TSPAN9: variants seen among roughly 807,000 people sequenced by gnomAD.
TSPAN9 encodes the protein tetraspanin-9.
In TSPAN9, 16 loss-of-function variants were observed where a neutral mutation model predicts 31.0. The observed-to-expected ratio is 0.52, with a 90% CI of 0.35 to 0.78. The LOEUF (loss-of-function observed/expected upper bound fraction) is 0.78. Ranked by LOEUF, TSPAN9 falls within the 30% of genes least tolerant of loss-of-function variation. The probability of loss-of-function intolerance (pLI) is 0.01; values close to 1 mark genes in which losing one functional copy is unlikely to be tolerated. For synonymous variants in TSPAN9, 145 were observed against 121.6 expected (o/e 1.19, Z -1.27); for missense variants, 272 against 312.5 (o/e 0.87, Z 0.98).
intron 3 of TSPAN9, among the ~76,000 whole-genome samples, chr12:3,240,302 T>C (rs1370472033): frequency 6.6e-6 from 1 of 151,932 alleles, no homozygotes; most frequent in Non-Finnish European, 1.5e-5. Context: ...GAGAGTTGTG[T>C]GGACGAGGTG....
At chr12:3,244,951 A>G (rs529046190) in intron 3 of TSPAN9, among the ~76,000 whole-genome samples, 2 of 151,768 alleles carry the variant, frequency 1.3e-5, no homozygotes, top group Admixed American at 6.6e-5. Flanking sequence ...CCTTCTGCCA[A>G]CCTCTCTCTC....
intron 8 of TSPAN9, chr12:3,282,196 C>T (rs1309917139): frequency 8.5e-6 from 5 of 588,778 alleles, no homozygotes; most frequent in East Asian, 2.8e-5. Context: ...CTGTGGTGAC[C>T]GTGAGACCAC....
chr12:3,140,353 A>G (rs687436), intron 2 of TSPAN9, among the ~76,000 whole-genome samples: 148,120 of 152,266 alleles, frequency 0.97, 72,182 homozygotes, highest in East Asian at 1. Flanking sequence ...ATCGAACAAG[A>G]TACGGGCCAG....
chr12:3,174,678 G>T (rs181162497), intron 2 of TSPAN9, among the ~76,000 whole-genome samples: 16,495 of 151,946 alleles, frequency 0.11, 1,007 homozygotes, highest in African/African-American at 0.16. Flanking sequence ...CGCCTCCCGG[G>T]TTCGCGCCAT....
chr12:3,219,955 G>A (rs2098383467), intron 3 of TSPAN9, among the ~76,000 whole-genome samples: 1 of 151,816 alleles, frequency 6.6e-6, no homozygotes, highest in African/African-American at 2.4e-5. Context: ...AGGAGTTCGA[G>A]ACTAGCCTGG....
chr12:3,246,507 G>A (rs534150443), intron 3 of TSPAN9, among the ~76,000 whole-genome samples: 3 of 152,226 alleles, frequency 2.0e-5, no homozygotes, highest in Non-Finnish European at 4.4e-5. Context: ...TCTTTCCCTG[G>A]GCAGGGAAAG....
intron 2 of TSPAN9, among the ~76,000 whole-genome samples, chr12:3,160,662 G>T (rs2098344602): frequency 6.6e-6 from 1 of 152,164 alleles, no homozygotes; most frequent in Admixed American, 6.5e-5. Flanking sequence ...GTGTGAAATG[G>T]TATCTCATTG....
chr12:3,110,601 G>A (rs2098318061), intron 2 of TSPAN9, among the ~76,000 whole-genome samples: 1 of 152,128 alleles, frequency 6.6e-6, no homozygotes, highest in Non-Finnish European at 1.5e-5. Flanking sequence ...TCTGTTTGTT[G>A]CAGGATCCTT....
At chr12:3,131,371 G>T (rs553972572) in intron 2 of TSPAN9, among the ~76,000 whole-genome samples, 1 of 152,296 alleles carries the variant, frequency 6.6e-6, no homozygotes, top group East Asian at 1.9e-4. Context: ...TGATGGTGGC[G>T]TACAGCAGCA....
At chr12:3,256,016 C>T (rs1396454994) in intron 3 of TSPAN9, among the ~76,000 whole-genome samples, 1 of 152,168 alleles carries the variant, frequency 6.6e-6, no homozygotes, top group Non-Finnish European at 1.5e-5. Flanking sequence ...GCTGGTCACC[C>T]GCCTCTTGCA....
At chr12:3,188,292 C>T (rs1263271836) in intron 2 of TSPAN9, among the ~76,000 whole-genome samples, 1 of 152,194 alleles carries the variant, frequency 6.6e-6, no homozygotes, top group African/African-American at 2.4e-5. Flanking sequence ...CTGTCAGTGT[C>T]TCCCCGGGTT....
intron 3 of TSPAN9, among the ~76,000 whole-genome samples, chr12:3,263,199 G>GCACAGT (rs1208005966): frequency 6.6e-6 from 1 of 152,240 alleles, no homozygotes; most frequent in African/African-American, 2.4e-5. Context: ...CTAAGCAGAA[G>GCACAGT]CACAGTCATA....
chr12:3,109,127 G>A (rs977661280), intron 2 of TSPAN9, among the ~76,000 whole-genome samples: 4 of 148,158 alleles, frequency 2.7e-5, no homozygotes, highest in South Asian at 2.2e-4. Context: ...AGTAGAGACG[G>A]GGGTTTCACC....
intron 3 of TSPAN9, among the ~76,000 whole-genome samples, chr12:3,227,848 G>A (rs2098388648): frequency 6.6e-6 from 1 of 152,190 alleles, no homozygotes; most frequent in African/African-American, 2.4e-5. Context: ...GGTAGGCTGG[G>A]GTGGTACAGG....
At chr12:3,274,329 T>C (rs1862743327) in intron 3 of TSPAN9, among the ~76,000 whole-genome samples, 1 of 152,038 alleles carries the variant, frequency 6.6e-6, no homozygotes, top group South Asian at 2.1e-4. Context: ...AATGATCTCG[T>C]CCAAATCCCA....
intron 2 of TSPAN9, among the ~76,000 whole-genome samples, chr12:3,141,573 C>G (rs2098334867): frequency 2.0e-5 from 3 of 152,216 alleles, no homozygotes; most frequent in African/African-American, 7.2e-5. Flanking sequence ...TCATTCCGTG[C>G]CCTCATTTGC....
intron 2 of TSPAN9, among the ~76,000 whole-genome samples, chr12:3,089,324 TC>T (rs1194729658): frequency 8.2e-6 from 1 of 122,464 alleles, no homozygotes. Context: ...TTGAGACAAG[TC>T]TTGTTCTGTC....
Position 3,120,003 on chromosome 12 carries a change from C to T in TSPAN9, c.-18+36284C>T, listed in dbSNP as rs1030071727. ...GTGCCTCTCTGTAGCGCAAGGAGTT[C>T]GTGCCAGATGATCCTGGAGGTCCTT... On this transcript the variant is annotated intron_variant, in intron 2 of 8. Coordinates refer to ENST00000011898, the MANE Select transcript of TSPAN9 (RefSeq NM_006675.5). Among the ~76,000 whole-genome samples, 10 of 152,304 alleles carry T rather than the reference C, an allele frequency of 6.6e-5. No individual in the cohort carries two copies. In the South Asian group the frequency reaches 1.2e-3, roughly 19 times the overall value.
chr12:3,115,590 G>A (rs1438079139), intron 2 of TSPAN9, among the ~76,000 whole-genome samples: 1 of 152,170 alleles, frequency 6.6e-6, no homozygotes, highest in Non-Finnish European at 1.5e-5. Flanking sequence ...GCATGGTCAG[G>A]TGCTGGTGAA....
Sources: allele counts gnomAD v4.1 joint callset (sites outside exome capture counted in the v4.1 genomes callset), GRCh38; gene constraint gnomAD v4.1.1; transcripts MANE v1.5; gene names NCBI Gene and HGNC (gene_info 2026-07-23, HGNC 2026-07-21).